The following ECD variants were observed in gnomAD, a reference collection of about 807,000 sequenced individuals.
The protein encoded by ECD is ecdysoneless cell cycle regulator.
Under a neutral mutation model 77.2 loss-of-function variants are expected in ECD, and 59 were observed. That is an observed-to-expected ratio of 0.76 (90% CI 0.62 to 0.95). The LOEUF (loss-of-function observed/expected upper bound fraction) is 0.95. Among genes scored for constraint, ECD ranks in the 40% least tolerant of loss-of-function variants. The pLI, the probability that ECD is intolerant of heterozygous loss-of-function variation, is 0.00. For synonymous variants in ECD, 233 were observed against 267.4 expected (o/e 0.87, Z 1.26); for missense variants, 704 against 763.4 (o/e 0.92, Z 0.92).
At chr10:73,143,811 A>T (rs1843089661) in intron 9 of ECD, among the ~76,000 whole-genome samples, 2 of 135,698 alleles carry the variant, frequency 1.5e-5, no homozygotes, top group African/African-American at 5.7e-5. Flanking sequence ...GGTACCCATT[A>T]CTGTACGTAT....
intron 1 of ECD, among the ~76,000 whole-genome samples, chr10:73,165,925 AT>A (rs1035997342): frequency 6.6e-6 from 1 of 151,628 alleles, no homozygotes; most frequent in African/African-American, 2.4e-5. Context: ...CATTCACTCT[AT>A]TTTTTTTGTA....
intron 8 of ECD, 52 bp from the exon 9 acceptor site, chr10:73,146,413 A>G (rs1480783780): frequency 1.5e-6 from 2 of 1,343,398 alleles, no homozygotes; most frequent in Non-Finnish European, 2.0e-6. Flanking sequence ...TTGTCATGAA[A>G]AAAATGTGTT....
intron 6 of ECD, 47 bp downstream of exon 6, chr10:73,154,209 C>T (rs184520363): frequency 6.6e-7 from 1 of 1,516,008 alleles, no homozygotes; most frequent in African/African-American, 1.4e-5. Flanking sequence ...AATGTTTCAA[C>T]TCGGTTTCCA....
intron 8 of ECD, among the ~76,000 whole-genome samples, chr10:73,147,713 A>G (rs1843147806): frequency 6.6e-6 from 1 of 152,054 alleles, no homozygotes. Flanking sequence ...ACCTTTCTAT[A>G]CCTCTTGGAA....
intron 13 of ECD, among the ~76,000 whole-genome samples, chr10:73,135,542 G>A (rs1410955332): frequency 6.6e-6 from 1 of 151,970 alleles, no homozygotes; most frequent in East Asian, 1.9e-4. Context: ...CCAACATGGT[G>A]AAACCCTGTC....
intron 2 of ECD, among the ~76,000 whole-genome samples, chr10:73,162,338 T>C (rs919644892): frequency 6.6e-6 from 1 of 152,178 alleles, no homozygotes; most frequent in African/African-American, 2.4e-5. Context: ...TGACTGAACA[T>C]GGTGAAGTGA....
intron 8 of ECD, among the ~76,000 whole-genome samples, chr10:73,147,620 T>A (rs1000140418): frequency 6.6e-6 from 1 of 152,146 alleles, no homozygotes; most frequent in Non-Finnish European, 1.5e-5. Flanking sequence ...GCCATCTTTA[T>A]CATCATCATA....
intron 13 of ECD, among the ~76,000 whole-genome samples, chr10:73,135,747 A>AT (rs1444887449): frequency 2.0e-5 from 3 of 151,360 alleles, no homozygotes; most frequent in Non-Finnish European, 4.4e-5. Flanking sequence ...AATAATAATA[A>AT]AATAAAACAA....
chr10:73,139,342 T>C lies in ECD; in HGVS notation c.1388A>G (p.Lys463Arg). 1 of 1,614,058 alleles carries C rather than the reference T, an allele frequency of 6.2e-7. No individual in the cohort carries two copies. The highest frequency in any genetic ancestry group is 8.5e-7 in the Non-Finnish European group (1 of 1,180,002). The change falls in exon 11 of 14, where the codon AAA (lysine) becomes AGA (arginine). Residue 463 changes from lysine to arginine, a missense_variant. By Grantham distance (26) the Lys-to-Arg change is conservative. Around this residue, in one of 3 missense-constraint regions of ECD, gnomAD observed 559 missense variants for 583.7 expected, o/e 0.96. Coordinates refer to ENST00000372979, the MANE Select transcript of ECD (RefSeq NM_007265.3). The stretch of plus-strand genomic sequence containing the variant: ...CTCTGCTCCCTTGTGGGTTGAGACT[T>C]TGGATATGAAAGCTTTCATGCTCTC... ...VSESMKAFIS[K>R]VSTHKGAELP...
In ECD at chr10:73,136,840, T is replaced by TC. The variant is rs749217747; in HGVS notation, c.1567dup (p.Asp523GlyfsTer3). 2 of 1,614,048 alleles carry TC rather than the reference T, an allele frequency of 1.2e-6. No homozygotes were observed. The highest frequency in any genetic ancestry group is 1.7e-6 in the Non-Finnish European group (2 of 1,180,010). Reference sequence around the variant, plus strand: ...TTCGCCAGGTTCGTGTGTTTCAAAGTCCAAGTCATCATCACTATCTAAACA... The same window carrying TC: ...TTCGCCAGGTTCGTGTGTTTCAAAGTCCCAAGTCATCATCACTATCTAAACA... On this transcript the variant is annotated frameshift_variant, in exon 13 of 14. Transcript: ENST00000372979. LOFTEE classifies it high-confidence loss of function.
intron 9 of ECD, among the ~76,000 whole-genome samples, chr10:73,145,436 T>TA (rs1398689677): frequency 6.6e-6 from 1 of 152,120 alleles, no homozygotes; most frequent in African/African-American, 2.4e-5. Flanking sequence ...TCAGCTATTT[T>TA]AAAAAAACCA....
At position 73,167,462 on chromosome 10, in the gene ECD, C is replaced by T. The variant is rs888971765; in HGVS notation, c.-14+404G>A. The stretch of plus-strand genomic sequence containing the variant: ...AGTTTATTCTTGCTGCCAGGTGATG[C>T]TTGGTAAAGAAAGAAATGGCGGTGG... On this transcript the variant is annotated intron_variant, in intron 1 of 13. Coordinates refer to ENST00000372979, the MANE Select transcript of ECD (RefSeq NM_007265.3). Among the ~76,000 whole-genome samples, 8 of 152,208 alleles carry T rather than the reference C, an allele frequency of 5.3e-5. No individual in the cohort carries two copies. The East Asian group carries it at 5.8e-4, about 11-fold the overall frequency.
At chr10:73,150,748 T>C (rs1212803476) in intron 7 of ECD, among the ~76,000 whole-genome samples, 1 of 152,196 alleles carries the variant, frequency 6.6e-6, no homozygotes, top group Non-Finnish European at 1.5e-5. Context: ...AGAAGACATT[T>C]ATGCAGCCAA....
chr10:73,144,395 T>C (rs1051455536), intron 9 of ECD, among the ~76,000 whole-genome samples: 2 of 151,826 alleles, frequency 1.3e-5, no homozygotes, highest in African/African-American at 4.8e-5. Flanking sequence ...GAAGCCAAGG[T>C]AGGGGGATCT....
intron 9 of ECD, among the ~76,000 whole-genome samples, chr10:73,144,123 A>C (rs147152224): frequency 1.1e-3 from 165 of 152,280 alleles, no homozygotes; most frequent in African/African-American, 3.6e-3. Flanking sequence ...AAAAATCCTA[A>C]ATCAGATATA....
chr10:73,153,725 C>CA (rs201711578), intron 6 of ECD, among the ~76,000 whole-genome samples: 2,084 of 39,312 alleles, frequency 0.053, 37 homozygotes, highest in Non-Finnish European at 0.082. Flanking sequence ...GACTCTGTCT[C>CA]AAAAAAAAAA....
intron 9 of ECD, chr10:73,141,313 C>T (rs12242441): frequency 2.8e-5 from 4 of 144,138 alleles, no homozygotes; most frequent in Non-Finnish European, 5.9e-5. Context: ...ACCATCCTGG[C>T]TAACACAGTG....
chr10:73,153,020 A>AT (rs1283274569), intron 6 of ECD, among the ~76,000 whole-genome samples: 1 of 150,988 alleles, frequency 6.6e-6, no homozygotes, highest in African/African-American at 2.4e-5. Context: ...AAGATAATTC[A>AT]TTTTTTCTAT....
In ECD at chr10:73,148,416, A is replaced by G; in HGVS notation, c.913-12T>C. 1 of 1,602,942 alleles carries G rather than the reference A, an allele frequency of 6.2e-7. No individual in the cohort carries two copies. Among genetic ancestry groups the G allele is most frequent in the Non-Finnish European group, 8.5e-7 (1 of 1,175,556 alleles). ...TCAAATCCATGAGCCTAGATGAGAT[A>G]GGTAGAATTTTTGTTACTAAGTTCC... On this transcript the variant is annotated splice_polypyrimidine_tract_variant and intron_variant, in intron 7 of 13. Transcript: ENST00000372979.
Sources: gnomAD v4.1 joint callset for allele counts (sites outside exome capture counted in the v4.1 genomes callset) on GRCh38, gnomAD v4.1.1 for gene constraint, gnomAD v4.1.1 regional missense constraint, MANE v1.5 for transcripts, NCBI Gene and HGNC (gene_info 2026-07-23, HGNC 2026-07-21) for gene names.